Variants in EDIL3 observed in about 807,000 individuals in gnomAD.
EDIL3 encodes the protein EGF like and discoidin domains 3.
EDIL3 carries 37 observed loss-of-function variants against 67.4 expected under a neutral mutation model. The ratio of observed to expected loss-of-function variants is 0.55; its 90% CI spans 0.42 to 0.72. EDIL3 has a LOEUF of 0.72. EDIL3 is among the 30% of genes least tolerant of loss of function. EDIL3 has a pLI of 0.00. For missense variants in EDIL3, 527 were observed against 586.3 expected (o/e 0.90, Z 1.04); for synonymous variants, 195 against 196.3 (o/e 0.99, Z 0.05).
rs147004087 is a variant in EDIL3, at chr5:84,286,585, C to T, written c.68-32373G>A. ...TTTATTTTGTTAAACTTTCGCCAGGCTTTGACCACATTACATATTTAGTTG... is the reference window on the plus strand; with the variant it reads ...TTTATTTTGTTAAACTTTCGCCAGGTTTTGACCACATTACATATTTAGTTG... On this transcript the variant is annotated intron_variant, in intron 1 of 10. Coordinates refer to ENST00000296591, the MANE Select transcript of EDIL3 (RefSeq NM_005711.5). 2.5e-3 allele frequency among the ~76,000 whole-genome samples: 383 copies of T among 152,214 alleles called. 3 individuals are homozygous for T. The highest frequency in any genetic ancestry group is 3.1e-3 in the Non-Finnish European group (213 of 68,006).
intron 4 of EDIL3, among the ~76,000 whole-genome samples, chr5:84,161,804 T>C (rs1261336106): frequency 1.3e-5 from 2 of 152,122 alleles, no homozygotes; most frequent in African/African-American, 4.8e-5. Flanking sequence ...GAAACTCTCT[T>C]ATGGGTCTAA....
chr5:84,373,314 C>T (rs1166153543), intron 1 of EDIL3, among the ~76,000 whole-genome samples: 1 of 152,090 alleles, frequency 6.6e-6, no homozygotes, highest in Non-Finnish European at 1.5e-5. Flanking sequence ...AATTTTCTTC[C>T]AATCATCATG....
chr5:84,286,970 C>A (rs1456851144), intron 1 of EDIL3, among the ~76,000 whole-genome samples: 1 of 152,104 alleles, frequency 6.6e-6, no homozygotes, highest in Non-Finnish European at 1.5e-5. Flanking sequence ...AGGTAAAAAC[C>A]TCTTTCATGG....
intron 10 of EDIL3, among the ~76,000 whole-genome samples, chr5:83,950,597 T>C (rs555268478): frequency 3.9e-5 from 6 of 152,000 alleles, no homozygotes; most frequent in African/African-American, 1.4e-4. Flanking sequence ...TTTTGGCCCA[T>C]AAGTATACTT....
At chr5:84,305,018 T>C (rs1183738144) in intron 1 of EDIL3, among the ~76,000 whole-genome samples, 3 of 152,184 alleles carry the variant, frequency 2.0e-5, no homozygotes, top group Non-Finnish European at 4.4e-5. Flanking sequence ...GTGAGGCTCT[T>C]GAGAGGGCAA....
At chr5:84,028,873 G>T (rs984701325) in intron 9 of EDIL3, among the ~76,000 whole-genome samples, 3 of 152,016 alleles carry the variant, frequency 2.0e-5, no homozygotes, top group East Asian at 1.9e-4. Context: ...GAATTCCCAC[G>T]TGTTGTGGGA....
chr5:84,211,266 T>C (rs756809095), intron 3 of EDIL3, among the ~76,000 whole-genome samples: 1 of 152,058 alleles, frequency 6.6e-6, no homozygotes, highest in Non-Finnish European at 1.5e-5. Context: ...CCGGGATAAC[T>C]GGTTGTTGAA....
intron 3 of EDIL3, among the ~76,000 whole-genome samples, chr5:84,194,990 A>G (rs1269315516): frequency 6.6e-6 from 1 of 151,968 alleles, no homozygotes; most frequent in Non-Finnish European, 1.5e-5. Flanking sequence ...GAATACGGTC[A>G]CAGAGTCATT....
At chr5:83,960,981 T>G (rs1302085368) in intron 10 of EDIL3, among the ~76,000 whole-genome samples, 1 of 150,884 alleles carries the variant, frequency 6.6e-6, no homozygotes, top group African/African-American at 2.4e-5. Flanking sequence ...TTTCAAATAT[T>G]GAGTACAAAT....
intron 9 of EDIL3, among the ~76,000 whole-genome samples, chr5:84,008,017 A>G (rs1007231882): frequency 1.4e-4 from 22 of 152,144 alleles, no homozygotes; most frequent in Non-Finnish European, 1.5e-5. Flanking sequence ...CAAATGAAAG[A>G]AGCTAGGCAC....
chr5:84,382,273 G>C (rs1293035478), intron 1 of EDIL3, among the ~76,000 whole-genome samples: 1 of 152,194 alleles, frequency 6.6e-6, no homozygotes, highest in African/African-American at 2.4e-5. Context: ...GGAGAGTCCA[G>C]GCAACATCTC....
At chr5:84,207,911 C>G (rs767384299) in intron 3 of EDIL3, among the ~76,000 whole-genome samples, 195 of 148,026 alleles carry the variant, frequency 1.3e-3, no homozygotes, top group Middle Eastern at 0.01. Flanking sequence ...ATGGATTAAA[C>G]ACTTAAACGT....
chr5:84,002,868 C>G (rs1256656875), intron 9 of EDIL3, among the ~76,000 whole-genome samples: 1 of 152,160 alleles, frequency 6.6e-6, no homozygotes, highest in South Asian at 2.1e-4. Context: ...AGGCCAGTTT[C>G]TCTTCCCTGT....
At chr5:84,330,936 G>C (rs1746858020) in intron 1 of EDIL3, among the ~76,000 whole-genome samples, 1 of 152,214 alleles carries the variant, frequency 6.6e-6, no homozygotes, top group African/African-American at 2.4e-5. Context: ...AAGGCCGTGA[G>C]ACCTTACCTC....
chr5:84,340,772 T>C (rs867318525), intron 1 of EDIL3, among the ~76,000 whole-genome samples: 5 of 151,776 alleles, frequency 3.3e-5, no homozygotes, highest in Admixed American at 2.6e-4. Context: ...AAAGATCAAA[T>C]GATATGGCCC....
chr5:84,054,080 T>G (rs1298210245), intron 9 of EDIL3, among the ~76,000 whole-genome samples: 2 of 152,140 alleles, frequency 1.3e-5, no homozygotes, highest in Admixed American at 1.3e-4. Flanking sequence ...GCAAACCAAA[T>G]CCAGCAGCAC....
chr5:84,354,978 G>A (rs1036218613), intron 1 of EDIL3, among the ~76,000 whole-genome samples: 7 of 151,958 alleles, frequency 4.6e-5, no homozygotes, highest in Non-Finnish European at 1.0e-4. Context: ...TGCTCTTCTC[G>A]AGGAGTATCT....
chr5:84,217,721 A>ACAC (rs1744257318), intron 3 of EDIL3, among the ~76,000 whole-genome samples: 176 of 134,996 alleles, frequency 1.3e-3, no homozygotes, highest in East Asian at 1.8e-3. Flanking sequence ...TATACACACA[A>ACAC]ACACACACAC....
intron 9 of EDIL3, among the ~76,000 whole-genome samples, chr5:84,005,264 C>G (rs1374323427): frequency 1.3e-5 from 2 of 152,070 alleles, no homozygotes; most frequent in Admixed American, 1.3e-4. Context: ...AGAAAAGCCA[C>G]TGCCAATCCC....
Sources: gnomAD v4.1 joint callset for allele counts (sites outside exome capture counted in the v4.1 genomes callset) on GRCh38, gnomAD v4.1.1 for gene constraint, MANE v1.5 for transcripts, NCBI Gene and HGNC (gene_info 2026-07-23, HGNC 2026-07-21) for gene names.